The following NINJ2 variants were observed in gnomAD, a reference collection of about 807,000 sequenced individuals.
NINJ2 encodes ninjurin-2.
Under a neutral mutation model 11.7 loss-of-function variants are expected in NINJ2, and 12 were observed. The ratio of observed to expected loss-of-function variants is 1.02; its 90% CI spans 0.66 to 1.66. NINJ2 has a LOEUF of 1.66. NINJ2 is among the 40% of genes most tolerant of loss of function. The pLI, the probability that NINJ2 is intolerant of heterozygous loss-of-function variation, is 0.00. For synonymous variants in NINJ2, 93 were observed against 76.8 expected (o/e 1.21, Z -1.10); for missense variants, 187 against 181.8 (o/e 1.03, Z -0.16).
intron 1 of NINJ2, among the ~76,000 whole-genome samples, chr12:658,038 A>G (rs1565650914): frequency 8.4e-6 from 1 of 118,432 alleles, no homozygotes; most frequent in Non-Finnish European, 1.6e-5. Flanking sequence ...TCACTCTGTC[A>G]CTCAGGCTGG....
intron 1 of NINJ2, among the ~76,000 whole-genome samples, chr12:608,419 A>G (rs569917020): frequency 2.0e-4 from 31 of 152,354 alleles, no homozygotes; most frequent in African/African-American, 3.4e-4. Flanking sequence ...TTCTAAGTAC[A>G]TATTTTAATT....
intron 1 of NINJ2, among the ~76,000 whole-genome samples, chr12:619,927 A>C (rs1948133114): frequency 6.6e-6 from 1 of 152,154 alleles, no homozygotes; most frequent in South Asian, 2.1e-4. Context: ...ATATTCCTTA[A>C]TGGTCAGGGT....
chr12:590,225 C>T (rs1398734341), intron 1 of NINJ2, among the ~76,000 whole-genome samples: 1 of 152,174 alleles, frequency 6.6e-6, no homozygotes, highest in African/African-American at 2.4e-5. Flanking sequence ...AGCATTTTAG[C>T]AGGACCATGA....
chr12:637,112 A>G (rs1161569462), intron 1 of NINJ2, among the ~76,000 whole-genome samples: 1 of 152,234 alleles, frequency 6.6e-6, no homozygotes, highest in Non-Finnish European at 1.5e-5. Flanking sequence ...GCACTTTGGG[A>G]GGCCCAGGCT....
Position 598,296 on chromosome 12 carries a change from G to T in NINJ2, c.34-32118C>A, listed in dbSNP as rs184271180. Among the ~76,000 whole-genome samples the T allele has an allele frequency of 9.9e-4, 151 of 152,318 alleles. 1 individual carries two copies. The highest frequency in any genetic ancestry group is 3.5e-3 in the African/African-American group (147 of 41,576). On this transcript the variant is annotated intron_variant, in intron 1 of 3. Transcript: ENST00000305108. ...CCCTGGGCACCGAGGGGGTAAGTGCGGATCTACGTTCAGCAGGTAGCTGTG... is the reference window on the plus strand; with the variant it reads ...CCCTGGGCACCGAGGGGGTAAGTGCTGATCTACGTTCAGCAGGTAGCTGTG...
intron 1 of NINJ2, among the ~76,000 whole-genome samples, chr12:578,727 C>T (rs1319527631): frequency 6.6e-6 from 1 of 152,178 alleles, no homozygotes; most frequent in African/African-American, 2.4e-5. Flanking sequence ...GTAAGTCCCT[C>T]AACAATGGGG....
intron 1 of NINJ2, among the ~76,000 whole-genome samples, chr12:576,472 C>CTGCT (rs938422572): frequency 6.6e-6 from 1 of 152,182 alleles, no homozygotes; most frequent in Admixed American, 6.5e-5. Context: ...GAACTCGGGC[C>CTGCT]TGCTTGCTTG....
At chr12:652,417 TGAAA>T (rs1487879550) in intron 1 of NINJ2, among the ~76,000 whole-genome samples, 1 of 152,154 alleles carries the variant, frequency 6.6e-6, no homozygotes, top group Non-Finnish European at 1.5e-5. Flanking sequence ...CAAGAAATAT[TGAAA>T]GAAGTTCTTT....
intron 1 of NINJ2, among the ~76,000 whole-genome samples, chr12:615,278 G>A (rs1331113081): frequency 1.3e-5 from 2 of 152,096 alleles, no homozygotes; most frequent in Non-Finnish European, 2.9e-5. Flanking sequence ...CTTTTCCAAA[G>A]GCTAGATCTC....
chr12:622,683 T>C (rs1948168010), intron 1 of NINJ2, among the ~76,000 whole-genome samples: 1 of 150,494 alleles, frequency 6.6e-6, no homozygotes, highest in Middle Eastern at 3.4e-3. Context: ...TGTTGCTTTG[T>C]TTTGTTTAAC....
chr12:579,754 G>A (rs1947520845), intron 1 of NINJ2, among the ~76,000 whole-genome samples: 1 of 151,868 alleles, frequency 6.6e-6, no homozygotes, highest in Admixed American at 6.6e-5. Context: ...TTCCCCTCTT[G>A]CTTTGCTCTT....
rs372936299 is a variant in NINJ2 at position 573,307 on chromosome 12, G to A, written c.34-7129C>T. On this transcript the variant is annotated intron_variant, in intron 1 of 3. Transcript: ENST00000305108. The stretch of plus-strand genomic sequence containing the variant: ...CTCCCAAAGTACTGGGATTATAGGC[G>A]TGAGCCACCACACCAGGCCCAGAGC... Among the ~76,000 whole-genome samples, 64 of 152,168 alleles carry A rather than the reference G, an allele frequency of 4.2e-4. No homozygotes were observed. The East Asian group carries it at 8.5e-3, about 20-fold the overall frequency.
intron 1 of NINJ2, 78 bp from the exon 2 acceptor site, chr12:566,256 G>T (rs1947300456): frequency 4.2e-6 from 5 of 1,196,442 alleles, no homozygotes; most frequent in African/African-American, 3.0e-5. Context: ...GAGGAGAGAG[G>T]TTTTAAAGCT....
At chr12:654,306 C>T (rs1468095149) in intron 1 of NINJ2, among the ~76,000 whole-genome samples, 1 of 151,994 alleles carries the variant, frequency 6.6e-6, no homozygotes, top group Non-Finnish European at 1.5e-5. Flanking sequence ...GGCAGATCAC[C>T]TGTCAGGAGT....
chr12:601,110 G>T (rs1947860490), intron 1 of NINJ2, among the ~76,000 whole-genome samples: 1 of 152,236 alleles, frequency 6.6e-6, no homozygotes, highest in Non-Finnish European at 1.5e-5. Context: ...AGAACTGGCA[G>T]AGCATTGTGA....
At chr12:659,789 C>T (rs1319813061) in intron 1 of NINJ2, among the ~76,000 whole-genome samples, 1 of 152,216 alleles carries the variant, frequency 6.6e-6, no homozygotes, top group Non-Finnish European at 1.5e-5. Context: ...GTGCCATGTT[C>T]AGGGTTTCAA....
rs957740020 is a variant in NINJ2, at chr12:642,848, G to C, written c.33+20480C>G. Reference sequence around the variant, plus strand: ...CAGACCGGATGCGGGAAGTGGGCTCGGGGCCCCGCTCCCCTGCCCGGCTCG... The same window carrying C: ...CAGACCGGATGCGGGAAGTGGGCTCCGGGCCCCGCTCCCCTGCCCGGCTCG... On this transcript the variant is annotated intron_variant, in intron 1 of 3. Coordinates refer to ENST00000305108, the MANE Select transcript of NINJ2 (RefSeq NM_016533.6). 5 of 151,470 alleles carry C rather than the reference G, an allele frequency of 3.3e-5. No homozygotes were observed. The East Asian group carries it at 5.8e-4, about 18-fold the overall frequency. 9.4% of individuals were successfully genotyped at this position (151,470 alleles called of 1,614,324 possible).
At chr12:641,281 G>T (rs1055973689) in intron 1 of NINJ2, among the ~76,000 whole-genome samples, 4 of 152,098 alleles carry the variant, frequency 2.6e-5, no homozygotes, top group Non-Finnish European at 5.9e-5. Flanking sequence ...GCACTGAGTT[G>T]CCCCTCCTGT....
intron 1 of NINJ2, among the ~76,000 whole-genome samples, chr12:582,364 T>A (rs962344675): frequency 8.6e-6 from 1 of 116,512 alleles, no homozygotes; most frequent in African/African-American, 3.7e-5. Context: ...AGTGAATGAA[T>A]GAATGGGCGC....
Sources: gnomAD v4.1 joint callset for allele counts (sites outside exome capture counted in the v4.1 genomes callset) on GRCh38, gnomAD v4.1.1 for gene constraint, MANE v1.5 for transcripts, NCBI Gene and HGNC (gene_info 2026-07-23, HGNC 2026-07-21) for gene names.